The following GNG2 variants were observed in gnomAD, a reference collection of about 807,000 sequenced individuals.
GNG2 encodes the protein guanine nucleotide-binding protein G(I)/G(S)/G(O) subunit gamma-2.
A neutral mutation model predicts 5.5 loss-of-function variants in GNG2; 5 were observed. That is an observed-to-expected ratio of 0.91 (90% CI 0.48 to 1.92). The LOEUF (loss-of-function observed/expected upper bound fraction) is 1.92. Ranked by LOEUF, GNG2 falls within the 30% of genes most tolerant of loss-of-function variation. GNG2 has a pLI of 0.01. For missense variants in GNG2, 55 were observed against 88.4 expected, an observed-to-expected ratio of 0.62 and a Z score of 1.52; for synonymous variants, 28 against 32.0, an observed-to-expected ratio of 0.88 and a Z score of 0.42.
intron 2 of GNG2, among the ~76,000 whole-genome samples, chr14:51,905,187 A>G (rs1347571189): frequency 1.3e-5 from 2 of 152,188 alleles, no homozygotes; most frequent in African/African-American, 4.8e-5. Flanking sequence ...TTTGTCCCAA[A>G]TAACTATTTA....
intron 2 of GNG2, among the ~76,000 whole-genome samples, chr14:51,914,957 G>A (rs186281935): frequency 1.4e-4 from 21 of 152,308 alleles, no homozygotes; most frequent in Admixed American, 7.8e-4. Flanking sequence ...CTGTCATCAG[G>A]CAAGGCCAAA....
upstream of GNG2, among the ~76,000 whole-genome samples, chr14:51,858,397 C>T (rs1249738697): frequency 6.6e-6 from 1 of 152,090 alleles, no homozygotes; most frequent in Non-Finnish European, 1.5e-5. Context: ...TTATAAGGGC[C>T]AGAGATGGAA....
chr14:51,912,253 G>A (rs1207840537), intron 2 of GNG2, among the ~76,000 whole-genome samples: 1 of 152,096 alleles, frequency 6.6e-6, no homozygotes, highest in African/African-American at 2.4e-5. Context: ...AAAGAATGGG[G>A]GAGATATAGT....
At chr14:51,897,911 A>C (rs1885305717) in intron 2 of GNG2, among the ~76,000 whole-genome samples, 1 of 152,248 alleles carries the variant, frequency 6.6e-6, no homozygotes, top group Admixed American at 6.5e-5. Context: ...GTTCTGCCTT[A>C]AAATGAGATG....
intron 3 of GNG2, among the ~76,000 whole-genome samples, chr14:51,951,142 G>C (rs1041388097): frequency 6.6e-6 from 1 of 152,116 alleles, no homozygotes; most frequent in Non-Finnish European, 1.5e-5. Context: ...AGGTTCTAAG[G>C]CTAAATGTCC....
intron 2 of GNG2, among the ~76,000 whole-genome samples, chr14:51,880,989 C>A (rs1181305198): frequency 1.7e-4 from 10 of 60,262 alleles, no homozygotes; most frequent in South Asian, 6.5e-4. Context: ...AAAAAAAAAA[C>A]CCTGAGATTC....
intron 2 of GNG2, among the ~76,000 whole-genome samples, chr14:51,897,701 G>C (rs1885287517): frequency 6.6e-6 from 1 of 152,180 alleles, no homozygotes; most frequent in Non-Finnish European, 1.5e-5. Flanking sequence ...ACCTGGTTCT[G>C]GGAGGGCAAG....
At chr14:51,931,961 TGTGGGCCGGGCGCG>T (rs1324818234) in intron 2 of GNG2, among the ~76,000 whole-genome samples, 22 of 151,818 alleles carry the variant, frequency 1.4e-4, no homozygotes, top group African/African-American at 5.3e-4. Context: ...ATAAAGAAAA[TGTGGGCCGGGCGCG>T]GTGGCTCACG....
intron 2 of GNG2, among the ~76,000 whole-genome samples, chr14:51,832,284 GA>G (rs56909071): frequency 0.11 from 14,448 of 127,558 alleles, 1,217 homozygotes; most frequent in African/African-American, 0.24. Flanking sequence ...GTTACAGGGA[GA>G]AAAAAAAAAA....
At chr14:51,854,771 C>A (rs1336468125) in intron 2 of GNG2, among the ~76,000 whole-genome samples, 1 of 152,186 alleles carries the variant, frequency 6.6e-6, no homozygotes, top group Non-Finnish European at 1.5e-5. Flanking sequence ...CCTTGGCCTC[C>A]CAAGGTGCTG....
chr14:51,845,361 G>A (rs1033841792), intron 2 of GNG2, among the ~76,000 whole-genome samples: 3 of 152,164 alleles, frequency 2.0e-5, no homozygotes, highest in African/African-American at 7.2e-5. Flanking sequence ...GCATGGTGGT[G>A]CGCATCTGTG....
chr14:51,915,738 A>C (rs1273519573), intron 2 of GNG2, among the ~76,000 whole-genome samples: 2 of 152,212 alleles, frequency 1.3e-5, no homozygotes, highest in African/African-American at 2.4e-5. Context: ...TATTTCTTTA[A>C]ATTAGTGCTT....
chr14:51,969,315 A>C lies in GNG2; in HGVS notation c.*2628A>C, dbSNP rs954597697. ...ATAATTTTACATGATCCTCAATATC[A>C]ACTCCAGTTTAAAAAGTGTTATTTT... On this transcript the variant is annotated 3_prime_UTR_variant, in exon 4 of 4. Coordinates refer to ENST00000556766, the MANE Select transcript of GNG2 (RefSeq NM_053064.5). 6 of 152,190 alleles carry C rather than the reference A, an allele frequency of 3.9e-5. No homozygotes were observed. The highest frequency in any genetic ancestry group is 3.9e-4 in the Admixed American group (6 of 15,284). The allele number at this position is 152,190 out of a possible 1,614,324, so 9.4% of individuals were successfully genotyped here.
chr14:51,860,858 G>A (rs564646981), intron 1 of GNG2, 68 bp downstream of exon 1: 1 of 152,304 alleles, frequency 6.6e-6, no homozygotes, highest in Admixed American at 6.5e-5. Flanking sequence ...GTGGTTTTAA[G>A]GTCCGATTTC....
intron 1 of GNG2, among the ~76,000 whole-genome samples, chr14:51,861,891 C>G (rs1035946470): frequency 1.3e-5 from 2 of 152,054 alleles, no homozygotes; most frequent in African/African-American, 4.8e-5. Flanking sequence ...GGTTTTTCTT[C>G]TAGAGTTTCT....
At chr14:51,934,494 G>T (rs60284467) in intron 2 of GNG2, among the ~76,000 whole-genome samples, 6,115 of 152,210 alleles carry the variant, frequency 0.04, 166 homozygotes, top group East Asian at 0.12. Context: ...TCTTGAACTG[G>T]CACAAAGAAC....
rs1395205511 is a variant in GNG2, at chr14:51,860,757, A to G, written c.-104A>G. ...ACAGATCAGCTCCGGAGAGGGGAAA[A>G]CCACGCTCCTCGGACCAAGCCTCGG... On this transcript the variant is annotated 5_prime_UTR_variant, in exon 1 of 4. Transcript: ENST00000556766. 6.6e-6 allele frequency: 1 copy of G among 152,136 alleles called. No homozygotes were observed. The highest frequency in any genetic ancestry group is 2.4e-5 in the African/African-American group (1 of 41,408). 9.4% of individuals were successfully genotyped at this position (152,136 alleles called of 1,614,324 possible).
intron 3 of GNG2, chr14:51,952,254 C>G: frequency 4.5e-6 from 1 of 223,686 alleles, no homozygotes; most frequent in Admixed American, 5.4e-5. Context: ...AGTAATGGAC[C>G]ACAGGATTTA....
intron 2 of GNG2, among the ~76,000 whole-genome samples, chr14:51,910,109 T>A (rs8011272): frequency 0.26 from 38,821 of 152,168 alleles, 6,310 homozygotes; most frequent in Non-Finnish European, 0.37. Flanking sequence ...GGTTCCTGTC[T>A]AGTGGGGAAG....
Sources: gnomAD v4.1 joint callset for allele counts (sites outside exome capture counted in the v4.1 genomes callset) on GRCh38, gnomAD v4.1.1 for gene constraint, MANE v1.5 for transcripts, NCBI Gene and HGNC (gene_info 2026-07-23, HGNC 2026-07-21) for gene names.